Variants in ABR observed in about 807,000 individuals in gnomAD.
ABR encodes the protein ABR activator of RhoGEF and GTPase.
A neutral mutation model predicts 107.2 loss-of-function variants in ABR; 35 were observed. The observed-to-expected ratio is 0.33, with a 90% CI of 0.25 to 0.43. ABR has a LOEUF of 0.43. ABR is among the 20% of genes least tolerant of loss of function. ABR has a pLI of 1.00. For missense variants in ABR, 815 were observed against 1,115.2 expected, an observed-to-expected ratio of 0.73 and a Z score of 3.83; for synonymous variants, 498 against 462.0, an observed-to-expected ratio of 1.08 and a Z score of -1.00.
chr17:1,077,995 G>A (rs1201348150), intron 6 of ABR, among the ~76,000 whole-genome samples: 5 of 151,744 alleles, frequency 3.3e-5, no homozygotes, highest in East Asian at 3.9e-4. Flanking sequence ...ATCCTCCTAC[G>A]ACCGACAGTC....
rs975092030 is a variant in ABR at position 1,210,099 on chromosome 17, T to C, written c.838+18694A>G. 6.6e-6 allele frequency among the ~76,000 whole-genome samples: 1 copy of C among 152,218 alleles called. No homozygotes were observed. Among genetic ancestry groups the C allele is most frequent in the South Asian group, 2.1e-4 (1 of 4,824 alleles). On this transcript the variant is annotated intron_variant, in intron 1 of 22. Transcript: ENST00000574139. This position sits in a 1 kb window ranked among gnomAD's most constrained non-coding sequence, Gnocchi z 5.6. The stretch of plus-strand genomic sequence containing the variant: ...AGTAAAGCACTAAATTAGTGACGGC[T>C]GATCTCTTAGAGAGACAGGGAGAAA...
chr17:1,061,594 T>G (rs1017002115), intron 10 of ABR, among the ~76,000 whole-genome samples: 3 of 152,022 alleles, frequency 2.0e-5, no homozygotes, highest in African/African-American at 7.2e-5. Flanking sequence ...TTGCCCAGGC[T>G]GGAGTGCAGT....
rs1440011450 is a variant in ABR, at chr17:1,165,819, C to T, written c.61+13848G>A. Among the ~76,000 whole-genome samples the T allele has an allele frequency of 3.3e-5, 5 of 152,212 alleles. No homozygotes were observed. In the South Asian group the frequency reaches 1.0e-3, roughly 32 times the overall value. Reference sequence around the variant, plus strand: ...AAGTACTGGGATTACAGGCGTGGGCCACCATGTCCAGCCCCAAAACGAAAA... The same window carrying T: ...AAGTACTGGGATTACAGGCGTGGGCTACCATGTCCAGCCCCAAAACGAAAA... On this transcript the variant is annotated intron_variant, in intron 1 of 22. Transcript: ENST00000302538.
At chr17:1,031,658 G>T (rs9903778) in intron 16 of ABR, 3 of 1,257,108 alleles carry the variant, frequency 2.4e-6, no homozygotes, top group South Asian at 5.7e-5. Flanking sequence ...TGTTGGGGGG[G>T]CGCTTGCTCC....
intron 1 of ABR, among the ~76,000 whole-genome samples, chr17:1,142,242 G>A (rs1202363184): frequency 4.6e-5 from 7 of 152,058 alleles, no homozygotes; most frequent in African/African-American, 9.7e-5. Context: ...GCCAAGAGCC[G>A]CCAGGTTCAG....
At chr17:1,143,571 T>G (rs1265247300) in intron 1 of ABR, among the ~76,000 whole-genome samples, 5 of 150,686 alleles carry the variant, frequency 3.3e-5, no homozygotes, top group South Asian at 2.1e-4. Context: ...GTTGCAGGAG[T>G]TGTTTGCTCC....
chr17:1,192,936 T>C (rs1271629534), intron 1 of ABR, among the ~76,000 whole-genome samples: 1 of 151,948 alleles, frequency 6.6e-6, no homozygotes, highest in Non-Finnish European at 1.5e-5. Flanking sequence ...TAATCCCAGC[T>C]ACTGGGGAGG....
intron 1 of ABR, among the ~76,000 whole-genome samples, chr17:1,185,274 C>A (rs1186282645): frequency 6.6e-6 from 1 of 152,178 alleles, no homozygotes; most frequent in African/African-American, 2.4e-5. Flanking sequence ...AAATGCCAGT[C>A]CCGGCCAAAC....
At chr17:1,199,317 C>T (rs909760485) in intron 1 of ABR, among the ~76,000 whole-genome samples, 5 of 151,274 alleles carry the variant, frequency 3.3e-5, no homozygotes, top group Admixed American at 2.0e-4. Context: ...AATTAACACA[C>T]TGGCAGGGGC....
At chr17:1,053,511 T>TCAC (rs1282809344) in intron 14 of ABR, among the ~76,000 whole-genome samples, 12 of 152,026 alleles carry the variant, frequency 7.9e-5, no homozygotes, top group African/African-American at 2.7e-4. Context: ...TCTGCACAGA[T>TCAC]CACCTCCCTT....
intron 1 of ABR, among the ~76,000 whole-genome samples, chr17:1,158,696 G>T (rs894987956): frequency 6.6e-6 from 1 of 151,874 alleles, no homozygotes; most frequent in Non-Finnish European, 1.5e-5. Flanking sequence ...CTGGGAGTTG[G>T]AAGTTGCAAT....
intron 1 of ABR, among the ~76,000 whole-genome samples, chr17:1,171,424 G>A (rs2041706767): frequency 6.6e-6 from 1 of 152,148 alleles, no homozygotes; most frequent in Non-Finnish European, 1.5e-5. Context: ...GGCAGCACCA[G>A]CTCCACCGAT....
chr17:1,034,509 A>C (rs1397253012), intron 16 of ABR, among the ~76,000 whole-genome samples: 1 of 152,208 alleles, frequency 6.6e-6, no homozygotes, highest in Non-Finnish European at 1.5e-5. Flanking sequence ...AGAACAGGAC[A>C]GACAAAATGC....
intron 1 of ABR, among the ~76,000 whole-genome samples, chr17:1,221,502 T>C (rs2043119352): frequency 6.6e-6 from 1 of 152,222 alleles, no homozygotes; most frequent in Non-Finnish European, 1.5e-5. Flanking sequence ...GCCGGACTGC[T>C]GGCCGCTGGA....
At chr17:1,056,936 A>C in intron 13 of ABR, 62 bp downstream of exon 13, 4 of 1,162,686 alleles carry the variant, frequency 3.4e-6, no homozygotes, top group Non-Finnish European at 5.1e-6. Flanking sequence ...CCTTACGGGA[A>C]GCCGGCCACG....
At chr17:1,197,597 T>C (rs938294054) in intron 1 of ABR, among the ~76,000 whole-genome samples, 2 of 151,642 alleles carry the variant, frequency 1.3e-5, no homozygotes, top group Non-Finnish European at 2.9e-5. Context: ...TTCTGTCTGA[T>C]TGTGAAAGAT....
At chr17:1,062,190 CTG>C (rs72287321) in intron 10 of ABR, among the ~76,000 whole-genome samples, 22,184 of 49,242 alleles carry the variant, frequency 0.45, 5,705 homozygotes, top group East Asian at 0.69. Flanking sequence ...CCTCTAGACA[CTG>C]TTGTTACGTG....
chr17:1,085,946 AGAC>A (rs2036565640), intron 4 of ABR, among the ~76,000 whole-genome samples: 1 of 152,166 alleles, frequency 6.6e-6, no homozygotes, highest in African/African-American at 2.4e-5. Flanking sequence ...TGGCAGTTCG[AGAC>A]CAGCCTGGCC....
chr17:1,045,875 CT>C (rs926383540), intron 16 of ABR, among the ~76,000 whole-genome samples: 1 of 152,010 alleles, frequency 6.6e-6, no homozygotes, highest in African/African-American at 2.4e-5. Context: ...GTTTTCTTTT[CT>C]TTTTTTTCCC....
Sources: allele counts gnomAD v4.1 joint callset (sites outside exome capture counted in the v4.1 genomes callset), GRCh38; gene constraint gnomAD v4.1.1; non-coding constraint Gnocchi (gnomAD v3.1); transcripts MANE v1.5; gene names NCBI Gene and HGNC (gene_info 2026-07-23, HGNC 2026-07-21).